Variants in PRKCQ observed in about 807,000 individuals in gnomAD.
PRKCQ encodes protein kinase C theta type.
In PRKCQ, 41 loss-of-function variants were observed where a neutral mutation model predicts 91.2. The observed-to-expected ratio is 0.45, with a 90% CI of 0.35 to 0.58. PRKCQ has a LOEUF of 0.58. Ranked by LOEUF, PRKCQ falls within the 20% of genes least tolerant of loss-of-function variation. The pLI is 0.00. For missense variants in PRKCQ, 673 were observed against 896.5 expected (o/e 0.75, Z 3.18); for synonymous variants, 307 against 316.9 (o/e 0.97, Z 0.33).
the PRKCQ span, among the ~76,000 whole-genome samples, chr10:6,419,077 A>G: frequency 6.6e-6 from 1 of 151,846 alleles, no homozygotes; most frequent in African/African-American, 2.4e-5. Context: ...TATTTATTCT[A>G]TCAATCATCT....
At chr10:6,435,248 G>C (rs1833642724) in intron 16 of PRKCQ, among the ~76,000 whole-genome samples, 1 of 152,216 alleles carries the variant, frequency 6.6e-6, no homozygotes, top group Non-Finnish European at 1.5e-5. Context: ...AATGGCAACG[G>C]GTCTGGCACT....
rs112232977 is a variant in PRKCQ, at chr10:6,483,782, A to G, written c.1019-182T>C. On this transcript the variant is annotated intron_variant, in intron 10 of 17. Coordinates refer to ENST00000263125, the MANE Select transcript of PRKCQ (RefSeq NM_006257.5). ...TACCTTTCCATCTGTCTGTGAGGGCAGCACCCCCTGTCTGTGAGCCTGGCA... is the reference window on the plus strand; with the variant it reads ...TACCTTTCCATCTGTCTGTGAGGGCGGCACCCCCTGTCTGTGAGCCTGGCA... Among the ~76,000 whole-genome samples the G allele has an allele frequency of 5.5e-3, 836 of 152,314 alleles. 5 individuals carry two copies. Among genetic ancestry groups the G allele is most frequent in the Admixed American group, 0.018 (271 of 15,296 alleles).
intron 15 of PRKCQ, among the ~76,000 whole-genome samples, chr10:6,452,315 A>G (rs142396085): frequency 0.089 from 13,525 of 152,248 alleles, 664 homozygotes; most frequent in Middle Eastern, 0.18. Context: ...GTGAACTCCC[A>G]TTCACGATTG....
chr10:6,526,348 G>A (rs1174997374), intron 1 of PRKCQ, among the ~76,000 whole-genome samples: 1 of 152,164 alleles, frequency 6.6e-6, no homozygotes, highest in Admixed American at 6.5e-5. Flanking sequence ...ACTGCAGTCA[G>A]CCAAAGAGAC....
At chr10:6,426,310 C>T (rs1335249906), downstream of PRKCQ, among the ~76,000 whole-genome samples, 6 of 152,178 alleles carry the variant, frequency 3.9e-5, no homozygotes, top group Non-Finnish European at 5.9e-5. Flanking sequence ...ATGACTTGTT[C>T]AGGGCTTCAC....
chr10:6,495,440 C>G (rs116780242), intron 7 of PRKCQ, among the ~76,000 whole-genome samples: 1 of 152,176 alleles, frequency 6.6e-6, no homozygotes, highest in South Asian at 2.1e-4. Context: ...TCCTCCTGCT[C>G]TTCACCTAAC....
At chr10:6,543,434 GA>G (rs2130920156) in intron 1 of PRKCQ, among the ~76,000 whole-genome samples, 1 of 151,916 alleles carries the variant, frequency 6.6e-6, no homozygotes, top group Admixed American at 6.5e-5. Context: ...TGGCGTTGGG[GA>G]AAAAAGGAGG....
rs78517001 is a variant in PRKCQ at position 6,494,575 on chromosome 10, C to A, written c.660+2460G>T. ...GTGGGCCTCAATTTCAACACCTCAA[C>A]TGCACAGAACACAACCCACCTCTTC... On this transcript the variant is annotated intron_variant, in intron 7 of 17. Transcript: ENST00000263125. Among the ~76,000 whole-genome samples the A allele has an allele frequency of 7.0e-3, 1,073 of 152,302 alleles. 15 individuals carry two copies. The highest frequency in any genetic ancestry group is 0.024 in the African/African-American group (1,011 of 41,574).
chr10:6,399,524 G>C, the PRKCQ span, among the ~76,000 whole-genome samples: 147,452 of 151,572 alleles, frequency 0.97, 71,840 homozygotes, highest in East Asian at 1. Flanking sequence ...CACAGGGTGT[G>C]TTGAGACAGG....
chr10:6,415,448 A>ATATATATATATG, the PRKCQ span, among the ~76,000 whole-genome samples: 7 of 103,144 alleles, frequency 6.8e-5, no homozygotes, highest in Non-Finnish European at 1.4e-4. Context: ...ATATATATAT[A>ATATATATATATG]TATATATACA....
At chr10:6,433,249 T>C (rs183216407) in intron 16 of PRKCQ, among the ~76,000 whole-genome samples, 40 of 152,356 alleles carry the variant, frequency 2.6e-4, no homozygotes, top group African/African-American at 9.6e-4. Context: ...AGCGGCCTCC[T>C]TCCCCCTCAT....
chr10:6,528,224 C>G (rs1839265904), intron 1 of PRKCQ, among the ~76,000 whole-genome samples: 1 of 152,048 alleles, frequency 6.6e-6, no homozygotes, highest in South Asian at 2.1e-4. Context: ...CAAACTTTAG[C>G]TCAATAAACC....
chr10:6,566,080 T>C lies in PRKCQ; in HGVS notation c.-10+14131A>G, dbSNP rs145718767. The stretch of plus-strand genomic sequence containing the variant: ...CACTGAGGAAATCCACTTGACCTTT[T>C]CAGAGAAACTTGGTTATCATAACCT... On this transcript the variant is annotated intron_variant, in intron 1 of 17. Coordinates refer to ENST00000263125, the MANE Select transcript of PRKCQ (RefSeq NM_006257.5). Among the ~76,000 whole-genome samples, 118 of 152,348 alleles carry C rather than the reference T, an allele frequency of 7.7e-4. 4 individuals are homozygous for C. In the East Asian group the frequency reaches 0.016, roughly 21 times the overall value.
intron 4 of PRKCQ, among the ~76,000 whole-genome samples, chr10:6,504,509 A>C (rs1384053753): frequency 1.3e-5 from 2 of 152,204 alleles, no homozygotes; most frequent in African/African-American, 4.8e-5. Flanking sequence ...TTCTTTAGAA[A>C]ACTCAACTCT....
intron 1 of PRKCQ, among the ~76,000 whole-genome samples, chr10:6,552,283 C>A (rs1014224805): frequency 1.3e-5 from 2 of 151,944 alleles, no homozygotes; most frequent in African/African-American, 2.4e-5. Flanking sequence ...CCTGTATATT[C>A]CTAAAAACAT....
rs147279998 is a variant in PRKCQ, at chr10:6,465,810, A to T, written c.1354-1406T>A. Among the ~76,000 whole-genome samples the T allele has an allele frequency of 1.3e-5, 2 of 152,338 alleles. No homozygotes were observed. The highest frequency in any genetic ancestry group is 2.9e-5 in the Non-Finnish European group (2 of 68,020). ...CAAGGTAAGCATCCGTCTTTTTTCA[A>T]TGTTAGTTTCCGATCTGATTTACTA... On this transcript the variant is annotated intron_variant, in intron 12 of 17. Coordinates refer to ENST00000263125, the MANE Select transcript of PRKCQ (RefSeq NM_006257.5). This position sits in a 1 kb window ranked among gnomAD's most constrained non-coding sequence, Gnocchi z 4.4.
chr10:6,518,100 G>A (rs570057808), intron 1 of PRKCQ, among the ~76,000 whole-genome samples: 5 of 152,118 alleles, frequency 3.3e-5, no homozygotes, highest in Admixed American at 6.6e-5. Flanking sequence ...ACTGTTCTCC[G>A]GCTTGATTGT....
At chr10:6,459,851 T>C (rs1419163470) in intron 14 of PRKCQ, among the ~76,000 whole-genome samples, 1 of 152,240 alleles carries the variant, frequency 6.6e-6, no homozygotes. Flanking sequence ...TGGGGTAATT[T>C]CTTATGGCAG....
chr10:6,434,017 G>A (rs1007668945), intron 16 of PRKCQ, among the ~76,000 whole-genome samples: 13 of 121,602 alleles, frequency 1.1e-4, no homozygotes, highest in African/African-American at 4.4e-4. Context: ...CTGGGCAACA[G>A]AGCAAGACTC....
Sources: allele counts gnomAD v4.1 joint callset (sites outside exome capture counted in the v4.1 genomes callset), GRCh38; gene constraint gnomAD v4.1.1; non-coding constraint Gnocchi (gnomAD v3.1); transcripts MANE v1.5; gene names NCBI Gene and HGNC (gene_info 2026-07-23, HGNC 2026-07-21).